Variants in MAGI2 observed in about 807,000 individuals in gnomAD.
MAGI2 encodes the protein membrane-associated guanylate kinase, WW and PDZ domain-containing protein 2.
MAGI2 carries 35 observed loss-of-function variants against 133.3 expected under a neutral mutation model. That is an observed-to-expected ratio of 0.26 (90% CI 0.20 to 0.35). MAGI2 has a LOEUF of 0.35. Ranked by LOEUF, MAGI2 falls within the 10% of genes least tolerant of loss-of-function variation. The pLI is 1.00. For missense variants in MAGI2, 1,636 were observed against 1,863.4 expected (o/e 0.88, Z 2.25); for synonymous variants, 729 against 710.6 (o/e 1.03, Z -0.41).
intron 21 of MAGI2, among the ~76,000 whole-genome samples, chr7:78,020,785 G>C (rs1808314746): frequency 6.6e-6 from 1 of 151,496 alleles, no homozygotes; most frequent in Non-Finnish European, 1.5e-5. Context: ...GTCAGTTTCA[G>C]AATTTGGATA....
intron 6 of MAGI2, among the ~76,000 whole-genome samples, chr7:78,383,839 A>C (rs1364999504): frequency 6.6e-6 from 1 of 152,062 alleles, no homozygotes; most frequent in Non-Finnish European, 1.5e-5. Context: ...AGCACTATGT[A>C]TTGAAGAGGG....
intron 2 of MAGI2, among the ~76,000 whole-genome samples, chr7:78,885,708 T>C (rs1463880758): frequency 6.6e-6 from 1 of 152,146 alleles, no homozygotes; most frequent in Admixed American, 6.6e-5. Flanking sequence ...ATACATACTT[T>C]GAAATTTTAA....
At chr7:79,023,119 A>G (rs981032706) in intron 1 of MAGI2, among the ~76,000 whole-genome samples, 5 of 152,216 alleles carry the variant, frequency 3.3e-5, no homozygotes, top group African/African-American at 1.2e-4. Context: ...CCAGCAGTAC[A>G]TCAAAAAGTG....
At chr7:78,785,271 TG>T (rs1583879923) in intron 2 of MAGI2, among the ~76,000 whole-genome samples, 1 of 152,232 alleles carries the variant, frequency 6.6e-6, no homozygotes, top group African/African-American at 2.4e-5. Flanking sequence ...CAAGTCAGTT[TG>T]TTTAAAAGTC....
intron 1 of MAGI2, among the ~76,000 whole-genome samples, chr7:79,303,541 T>C (rs1465567997): frequency 6.6e-6 from 1 of 152,206 alleles, no homozygotes; most frequent in African/African-American, 2.4e-5. Flanking sequence ...CTTCTGATAG[T>C]GAATTCTAGT....
intron 1 of MAGI2, among the ~76,000 whole-genome samples, chr7:79,137,075 A>G (rs1821647211): frequency 1.3e-5 from 2 of 151,986 alleles, no homozygotes; most frequent in South Asian, 2.1e-4. Flanking sequence ...TCTGCCTCCC[A>G]GGTTCAAACT....
chr7:79,262,098 T>TA (rs1313831062), intron 1 of MAGI2, among the ~76,000 whole-genome samples: 2 of 152,134 alleles, frequency 1.3e-5, no homozygotes, highest in Non-Finnish European at 2.9e-5. Flanking sequence ...ATCCCATCCT[T>TA]AAAAAACCCC....
chr7:78,914,324 C>T (rs1798625850), intron 2 of MAGI2, among the ~76,000 whole-genome samples: 1 of 152,028 alleles, frequency 6.6e-6, no homozygotes. Context: ...TGTTCAACTA[C>T]AAAGAACAAA....
At chr7:79,214,407 CTATATATATATA>C (rs1196193501) in intron 1 of MAGI2, among the ~76,000 whole-genome samples, 38 of 17,718 alleles carry the variant, frequency 2.1e-3, no homozygotes, top group Admixed American at 8.4e-3. Context: ...CTCTCTCTCT[CTATATATATATA>C]TATATATATA....
In MAGI2 at chr7:78,863,823, A is replaced by C. The variant is rs895324662; in HGVS notation, c.418+143267T>G. On this transcript the variant is annotated intron_variant, in intron 2 of 21. Transcript: ENST00000354212. Reference sequence around the variant, plus strand: ...AATGTCAAGTGTCTCCTGTTTATCCACTTTTATCTTAAAAGCAAAATGTGC... The same window carrying C: ...AATGTCAAGTGTCTCCTGTTTATCCCCTTTTATCTTAAAAGCAAAATGTGC... Among the ~76,000 whole-genome samples, 7 of 152,350 alleles carry C rather than the reference A, an allele frequency of 4.6e-5. No individual in the cohort carries two copies. In the South Asian group the frequency reaches 6.2e-4, roughly 14 times the overall value.
chr7:78,838,994 C>T (rs1355280644), intron 2 of MAGI2, among the ~76,000 whole-genome samples: 1 of 151,936 alleles, frequency 6.6e-6, no homozygotes. Flanking sequence ...GTTTGAAAGT[C>T]ATCCAGCTTT....
chr7:78,196,170 C>T (rs1828712377), intron 11 of MAGI2, among the ~76,000 whole-genome samples: 1 of 152,118 alleles, frequency 6.6e-6, no homozygotes, highest in Non-Finnish European at 1.5e-5. Flanking sequence ...GTATTTTCCA[C>T]TCTTCCTTCC....
At chr7:79,161,950 T>C (rs1263517897) in intron 1 of MAGI2, among the ~76,000 whole-genome samples, 1 of 152,064 alleles carries the variant, frequency 6.6e-6, no homozygotes, top group African/African-American at 2.4e-5. Flanking sequence ...GGAGTTTATA[T>C]GGTCAATTAA....
intron 1 of MAGI2, among the ~76,000 whole-genome samples, chr7:79,386,350 A>G (rs1364232210): frequency 6.6e-6 from 1 of 152,056 alleles, no homozygotes; most frequent in Admixed American, 6.6e-5. Context: ...CAGATTCAAA[A>G]TTGTGAAATA....
chr7:79,303,869 G>T (rs1292490161), intron 1 of MAGI2, among the ~76,000 whole-genome samples: 4 of 152,126 alleles, frequency 2.6e-5, no homozygotes, highest in Admixed American at 1.3e-4. Flanking sequence ...TTTGAAACAC[G>T]TGGTTAATGT....
At chr7:78,548,644 G>T (rs1799075795) in intron 3 of MAGI2, among the ~76,000 whole-genome samples, 1 of 152,190 alleles carries the variant, frequency 6.6e-6, no homozygotes, top group African/African-American at 2.4e-5. Context: ...GTAGTGAGCT[G>T]AGATTGTATC....
intron 1 of MAGI2, among the ~76,000 whole-genome samples, chr7:79,057,399 TA>T (rs932571893): frequency 6.6e-6 from 1 of 152,156 alleles, no homozygotes; most frequent in African/African-American, 2.4e-5. Context: ...TTTTAAAGGT[TA>T]AAAAAATCTA....
At chr7:78,447,245 T>A (rs1366885636) in intron 6 of MAGI2, among the ~76,000 whole-genome samples, 2 of 152,046 alleles carry the variant, frequency 1.3e-5, no homozygotes, top group Admixed American at 1.3e-4. Context: ...TACAGTGCAA[T>A]GTTTTGATAT....
intron 9 of MAGI2, among the ~76,000 whole-genome samples, chr7:78,337,891 A>ACCATCCATCCATCCATCCAT (rs112967411): frequency 8.7e-5 from 13 of 149,986 alleles, no homozygotes; most frequent in Non-Finnish European, 1.2e-4. Context: ...CCATCCAATC[A>ACCATCCATCCATCCATCCAT]CCATCCATCC....
Sources: gnomAD v4.1 joint callset for allele counts (sites outside exome capture counted in the v4.1 genomes callset) on GRCh38, gnomAD v4.1.1 for gene constraint, MANE v1.5 for transcripts, NCBI Gene and HGNC (gene_info 2026-07-23, HGNC 2026-07-21) for gene names.